CEP89: variants seen among roughly 807,000 people sequenced by gnomAD.
The protein encoded by CEP89 is centrosomal protein of 89 kDa.
A neutral mutation model predicts 97.6 loss-of-function variants in CEP89; 95 were observed. The observed-to-expected ratio is 0.97, with a 90% CI of 0.82 to 1.15. The LOEUF is 1.15. Ranked by LOEUF, CEP89 falls within the 50% of genes most tolerant of loss-of-function variation. The pLI, the probability that CEP89 is intolerant of heterozygous loss-of-function variation, is 0.00. For missense variants in CEP89, 869 were observed against 947.7 expected (o/e 0.92, Z 1.09); for synonymous variants, 354 against 349.1 (o/e 1.01, Z -0.16).
intron 17 of CEP89, among the ~76,000 whole-genome samples, chr19:32,883,798 T>C (rs569109396): frequency 6.6e-6 from 1 of 152,362 alleles, no homozygotes; most frequent in South Asian, 2.1e-4. Flanking sequence ...TATACCCTGT[T>C]GATTATGTTG....
At chr19:32,907,234 G>A (rs1310858184) in intron 14 of CEP89, among the ~76,000 whole-genome samples, 3 of 152,158 alleles carry the variant, frequency 2.0e-5, no homozygotes, top group Non-Finnish European at 2.9e-5. Flanking sequence ...GATGGCGCGT[G>A]ACTATAGTCC....
chr19:32,969,549 A>T (rs1337496522), intron 1 of CEP89: 2 of 152,390 alleles, frequency 1.3e-5, no homozygotes, highest in Non-Finnish European at 2.9e-5. Flanking sequence ...GAGGCCAGGC[A>T]GTGGAAGCAG....
At chr19:32,956,286 C>T (rs759928769) in intron 3 of CEP89, among the ~76,000 whole-genome samples, 3 of 151,602 alleles carry the variant, frequency 2.0e-5, no homozygotes, top group Non-Finnish European at 4.4e-5. Context: ...GATCTGCTGA[C>T]CTCGTGATCC....
chr19:32,962,593 G>A (rs1378605460), intron 2 of CEP89, among the ~76,000 whole-genome samples: 1 of 152,112 alleles, frequency 6.6e-6, no homozygotes, highest in Non-Finnish European at 1.5e-5. Flanking sequence ...CTGAAAGCAT[G>A]ATCCATAAAA....
intron 4 of CEP89, among the ~76,000 whole-genome samples, chr19:32,950,983 C>T (rs1052628923): frequency 5.3e-5 from 8 of 152,156 alleles, no homozygotes; most frequent in African/African-American, 1.9e-4. Context: ...TAAAGCTAAT[C>T]TTGGCAATGG....
At chr19:32,903,960 G>C (rs940524455) in intron 14 of CEP89, among the ~76,000 whole-genome samples, 58 of 152,160 alleles carry the variant, frequency 3.8e-4, no homozygotes, top group African/African-American at 1.3e-3. Flanking sequence ...AGGAGTTTGA[G>C]ACCAGCCTGG....
At position 32,901,362 on chromosome 19, in the gene CEP89, A is replaced by G. The variant is rs753906596; in HGVS notation, c.1616T>C (p.Met539Thr). 11 of 1,614,022 alleles carry G rather than the reference A, an allele frequency of 6.8e-6. No homozygotes were observed. The highest frequency in any genetic ancestry group is 8.5e-6 in the Non-Finnish European group (10 of 1,180,004). ...CGCTTGCAGGACTGTCAGCTTCTCC[A>G]TCAACTCCTCCATCTCAGCCCTTTC... Reference protein sequence around the residue: ...EKERAEMEELMEKLTVLQAQK... With the variant: ...EKERAEMEELTEKLTVLQAQK... The change falls in exon 15 of 19, where the codon ATG becomes ACG. Residue 539 changes from methionine to threonine, a missense_variant. Met to Thr is a moderately conservative substitution (Grantham distance 81, BLOSUM62 -1). Transcript: ENST00000305768.
intron 17 of CEP89, among the ~76,000 whole-genome samples, chr19:32,886,475 A>G (rs1449143016): frequency 1.3e-5 from 2 of 152,106 alleles, no homozygotes; most frequent in African/African-American, 4.8e-5. Flanking sequence ...ACAGCCCCGG[A>G]TTTCCAAGGT....
At chr19:32,931,234 C>T (rs1477974059) in intron 9 of CEP89, 195 bp downstream of exon 9, 2 of 562,914 alleles carry the variant, frequency 3.6e-6, no homozygotes, top group East Asian at 3.1e-5. Flanking sequence ...GTTTTACAGT[C>T]TTTATTGCCT....
At chr19:32,925,844 T>C (rs978249141) in intron 11 of CEP89, among the ~76,000 whole-genome samples, 2 of 152,052 alleles carry the variant, frequency 1.3e-5, no homozygotes, top group Non-Finnish European at 2.9e-5. Flanking sequence ...AAAGAAGCAC[T>C]TCCCCCCTGC....
chr19:32,971,771 C>A, intron 1 of CEP89, 65 bp downstream of exon 1: 1 of 1,530,716 alleles, frequency 6.5e-7, no homozygotes, highest in Non-Finnish European at 8.9e-7. Context: ...CAACCCGCCC[C>A]AACACTTTAC....
In CEP89 at chr19:32,901,317, A is replaced by G. The variant is rs148506114; in HGVS notation, c.1661T>C (p.Leu554Ser). ...VLQAQKKSLL[L>S]EKNSLTEQNK... Reference sequence around the variant, plus strand: ...TTGCTCTGTCAAACTGTTCTTCTCTAACAGCAGGCTCTTCTTCTGCGCTTG... The same window carrying G: ...TTGCTCTGTCAAACTGTTCTTCTCTGACAGCAGGCTCTTCTTCTGCGCTTG... Residue 554 changes from leucine (L) to serine (S), a missense_variant, in exon 15 of 19, where the codon TTA becomes TCA. Physicochemically the swap from Leu to Ser is moderately radical, Grantham distance 145 (BLOSUM62 -2). Coordinates refer to ENST00000305768, the MANE Select transcript of CEP89 (RefSeq NM_032816.5). 4.4e-3 allele frequency: 7,078 copies of G among 1,614,150 alleles called. 17 individuals are homozygous for G. The highest frequency in any genetic ancestry group is 5.5e-3 in the Non-Finnish European group (6,498 of 1,180,022).
At chr19:32,912,158 G>A (rs867218273) in intron 14 of CEP89, among the ~76,000 whole-genome samples, 26 of 150,476 alleles carry the variant, frequency 1.7e-4, no homozygotes, top group Non-Finnish European at 3.1e-4. Context: ...AGCCAAGATC[G>A]CGCCACTGCA....
In CEP89 at chr19:32,879,336, G is replaced by A; in HGVS notation, c.2178C>T (p.Phe726=). ...GELEVIWEST[F]RENRRIRELL... The stretch of plus-strand genomic sequence containing the variant: ...GTTCTCGGATTCTTCGGTTTTCCCT[G>A]AAGGTAGATTCCCAAATAACTTCAA... Residue 726 remains phenylalanine, a synonymous_variant, in exon 19 of 19, where the codon TTC becomes TTT. Coordinates refer to ENST00000305768, the MANE Select transcript of CEP89 (RefSeq NM_032816.5). 1.2e-6 allele frequency: 2 copies of A among 1,614,246 alleles called. No individual in the cohort carries two copies. Among genetic ancestry groups the A allele is most frequent in the Non-Finnish European group, 1.7e-6 (2 of 1,180,030 alleles).
chr19:32,918,981 T>G (rs1599739784), intron 12 of CEP89, among the ~76,000 whole-genome samples: 1 of 148,932 alleles, frequency 6.7e-6, no homozygotes, highest in East Asian at 2.0e-4. Flanking sequence ...GCCTCCCGGG[T>G]TCACATCATT....
At chr19:32,898,839 G>A (rs780729730) in intron 16 of CEP89, among the ~76,000 whole-genome samples, 46 of 141,648 alleles carry the variant, frequency 3.2e-4, no homozygotes, top group South Asian at 4.4e-4. Flanking sequence ...CCGAGATCAC[G>A]CCACTGCACT....
At chr19:32,917,961 A>G (rs552319530) in intron 13 of CEP89, 105 of 232,648 alleles carry the variant, frequency 4.5e-4, no homozygotes, top group African/African-American at 2.4e-3. Context: ...TTACCCCAAA[A>G]CCAGTTCTGC....
intron 11 of CEP89, 76 bp from the exon 12 acceptor site, chr19:32,923,618 G>T: frequency 1.0e-6 from 1 of 955,558 alleles, no homozygotes; most frequent in Non-Finnish European, 1.7e-6. Flanking sequence ...TGCTGCTGCT[G>T]TGGCTAAAAT....
At chr19:32,888,087 A>G (rs1158588493) in intron 16 of CEP89, among the ~76,000 whole-genome samples, 2 of 152,238 alleles carry the variant, frequency 1.3e-5, no homozygotes, top group Non-Finnish European at 2.9e-5. Flanking sequence ...CCCACAGACC[A>G]GGGGAACGGG....
Sources: allele counts gnomAD v4.1 joint callset (sites outside exome capture counted in the v4.1 genomes callset), GRCh38; gene constraint gnomAD v4.1.1; transcripts MANE v1.5; gene names NCBI Gene and HGNC (gene_info 2026-07-23, HGNC 2026-07-21).